FGFR2: variants seen among roughly 807,000 people sequenced by gnomAD.
The protein encoded by FGFR2 is fibroblast growth factor receptor 2, also known as BEK fibroblast growth factor receptor.
A neutral mutation model predicts 95.9 loss-of-function variants in FGFR2; 19 were observed. The observed-to-expected ratio is 0.20, with a 90% CI of 0.14 to 0.29. FGFR2 has a LOEUF of 0.29. Among genes scored for constraint, FGFR2 ranks in the 10% least tolerant of loss-of-function variants. The pLI is 1.00. For synonymous variants in FGFR2, 392 were observed against 393.3 expected, an observed-to-expected ratio of 1.00 and a Z score of 0.04; for missense variants, 707 against 1,056.9, an observed-to-expected ratio of 0.67 and a Z score of 4.59.
intron 2 of FGFR2, among the ~76,000 whole-genome samples, chr10:121,590,563 A>G (rs1215626033): frequency 6.6e-6 from 1 of 152,150 alleles, no homozygotes; most frequent in East Asian, 1.9e-4. Context: ...TAAAAACTAA[A>G]ATCTTCTAGA....
intron 14 of FGFR2, 41 bp from the exon 15 acceptor site, chr10:121,487,465 A>G: frequency 6.5e-7 from 1 of 1,540,226 alleles, no homozygotes; most frequent in Non-Finnish European, 8.9e-7. Flanking sequence ...AATATATTTA[A>G]AAGAATTTAT....
At chr10:121,509,771 C>A (rs1187026839) in intron 9 of FGFR2, among the ~76,000 whole-genome samples, 1 of 152,018 alleles carries the variant, frequency 6.6e-6, no homozygotes, top group Non-Finnish European at 1.5e-5. Context: ...GTGTGGGCCA[C>A]TGCGCCCGGT....
At chr10:121,527,962 A>C (rs1452601979) in intron 6 of FGFR2, 1 of 152,270 alleles carries the variant, frequency 6.6e-6, no homozygotes. Flanking sequence ...TGGTGTCTGC[A>C]TAGCTGGGTT....
chr10:121,488,555 A>G (rs1004076385), intron 13 of FGFR2, among the ~76,000 whole-genome samples: 2 of 151,730 alleles, frequency 1.3e-5, no homozygotes, highest in African/African-American at 4.8e-5. Context: ...AAAAAAAAAA[A>G]AAAAGAAAGA....
chr10:121,572,080 G>A (rs1475402838), intron 2 of FGFR2, among the ~76,000 whole-genome samples: 2 of 150,024 alleles, frequency 1.3e-5, no homozygotes, highest in African/African-American at 2.5e-5. Flanking sequence ...TTGGGAGGTC[G>A]AGGTGGGAGA....
At chr10:121,593,347 A>G (rs979330040) in intron 2 of FGFR2, among the ~76,000 whole-genome samples, 2 of 152,220 alleles carry the variant, frequency 1.3e-5, no homozygotes, top group Non-Finnish European at 1.5e-5. Context: ...GCAATTCTTT[A>G]CATTGTAAGC....
Position 121,582,583 on chromosome 10 carries a change from T to C in FGFR2, c.109+11126A>G, listed in dbSNP as rs372635229. On this transcript the variant is annotated intron_variant, in intron 2 of 17. Coordinates refer to ENST00000358487, the MANE Select transcript of FGFR2 (RefSeq NM_000141.5). The stretch of plus-strand genomic sequence containing the variant: ...GCTGAGGTGGGTGGATCACCCGAGG[T>C]CAAGAGTTCGAGACCAACATGGTGA... 2.4e-4 allele frequency among the ~76,000 whole-genome samples: 36 copies of C among 151,646 alleles called. 1 individual carries two copies. In the South Asian group the frequency reaches 7.5e-3, roughly 32 times the overall value.
chr10:121,485,683 C>A lies in FGFR2; in HGVS notation c.2058-151G>T. The A allele has an allele frequency of 3.1e-6, 3 of 982,588 alleles. No homozygotes were observed. The highest frequency in any genetic ancestry group is 4.6e-6 in the Non-Finnish European group (3 of 648,192). 60.9% of individuals were successfully genotyped at this position (982,588 alleles called of 1,614,324 possible). On this transcript the variant is annotated intron_variant, in intron 15 of 17. Coordinates refer to ENST00000358487, the MANE Select transcript of FGFR2 (RefSeq NM_000141.5). The surrounding 1 kb of genome is among the most constrained non-coding windows in gnomAD (Gnocchi z 4.2). The stretch of plus-strand genomic sequence containing the variant: ...TTCCTCCTATGTGCTCTTTCCTGCC[C>A]TGCAAGAGCATCCCCGAATGATGAT...
intron 8 of FGFR2, 42 bp from the exon 9 acceptor site, chr10:121,515,361 A>G (rs2134233349): frequency 5.7e-6 from 9 of 1,588,052 alleles, no homozygotes; most frequent in Non-Finnish European, 7.8e-6. Flanking sequence ...TAAGCAGGCC[A>G]TAGAGTTAGC....
intron 6 of FGFR2, among the ~76,000 whole-genome samples, chr10:121,524,146 A>ACACACACACCCCCCC (rs142755962): frequency 3.2e-4 from 44 of 136,924 alleles, no homozygotes; most frequent in Admixed American, 5.0e-4. Context: ...ACACACACAC[A>ACACACACACCCCCCC]CCCCAAGTTT....
chr10:121,572,777 G>A (rs922196524), intron 2 of FGFR2, among the ~76,000 whole-genome samples: 5 of 152,172 alleles, frequency 3.3e-5, no homozygotes, highest in Admixed American at 6.5e-5. Flanking sequence ...GGGAGAGAGA[G>A]AAACTGAGGC....
intron 13 of FGFR2, among the ~76,000 whole-genome samples, chr10:121,494,088 T>C (rs866331307): frequency 6.6e-6 from 1 of 151,774 alleles, no homozygotes. Context: ...GCCTTCCCAT[T>C]CACCACACAA....
chr10:121,583,584 T>C (rs187926240), intron 2 of FGFR2: 29 of 152,964 alleles, frequency 1.9e-4, no homozygotes, highest in Admixed American at 1.1e-3. Flanking sequence ...TCTAGAAGAA[T>C]CACAAAGTAT....
intron 5 of FGFR2, among the ~76,000 whole-genome samples, chr10:121,546,981 C>T (rs182169587): frequency 3.1e-4 from 47 of 152,230 alleles, no homozygotes; most frequent in African/African-American, 1.0e-3. Flanking sequence ...TCCCAGCACT[C>T]GCAGAGGCCA....
intron 1 of FGFR2, 54 bp from the exon 2 acceptor site, chr10:121,594,021 C>T (rs2135490281): frequency 3.0e-6 from 2 of 658,148 alleles, no homozygotes; most frequent in South Asian, 3.4e-5. Context: ...CAAATCACTC[C>T]AGCCCAAGTG....
chr10:121,486,207 T>C (rs990193927), intron 15 of FGFR2, among the ~76,000 whole-genome samples: 3 of 152,182 alleles, frequency 2.0e-5, no homozygotes, highest in African/African-American at 7.2e-5. Flanking sequence ...AGCTACATCA[T>C]GGTCGTTCTG....
rs1047077 is a variant in FGFR2 at position 121,518,720 on chromosome 10, T to C, written c.940-1257A>G. 7 of 1,614,186 alleles carry C rather than the reference T, an allele frequency of 4.3e-6. No individual in the cohort carries two copies. The highest frequency in any genetic ancestry group is 1.6e-4 in the Middle Eastern group (1 of 6,062). ...CAGGACAGTGAGCCAGGCAGACTGG[T>C]TGGCCTGCCCTATATAATTGGAGAC... On this transcript the variant is annotated intron_variant, in intron 7 of 17. Coordinates refer to ENST00000358487, the MANE Select transcript of FGFR2 (RefSeq NM_000141.5). The surrounding 1 kb of genome is among the most constrained non-coding windows in gnomAD (Gnocchi z 4.0).
At chr10:121,561,741 G>A (rs1857003234) in intron 4 of FGFR2, among the ~76,000 whole-genome samples, 1 of 152,186 alleles carries the variant, frequency 6.6e-6, no homozygotes, top group Non-Finnish European at 1.5e-5. Context: ...ACTGTCAAGA[G>A]AATGAAAAGG....
At chr10:121,563,701 G>C (rs556795009) in intron 4 of FGFR2, among the ~76,000 whole-genome samples, 2 of 152,234 alleles carry the variant, frequency 1.3e-5, no homozygotes, top group Non-Finnish European at 2.9e-5. Context: ...ATTTTATAAA[G>C]AAACTAAGGC....
Sources: allele counts gnomAD v4.1 joint callset (sites outside exome capture counted in the v4.1 genomes callset), GRCh38; gene constraint gnomAD v4.1.1; non-coding constraint Gnocchi (gnomAD v3.1); transcripts MANE v1.5; gene names NCBI Gene and HGNC (gene_info 2026-07-23, HGNC 2026-07-21).